The following PMFBP1 variants were observed in gnomAD, a reference collection of about 807,000 sequenced individuals.
The protein encoded by PMFBP1 is polyamine-modulated factor 1-binding protein 1.
A neutral mutation model predicts 137.8 loss-of-function variants in PMFBP1; 131 were observed. The observed-to-expected ratio is 0.95, with a 90% confidence interval of 0.82 to 1.10. The LOEUF (loss-of-function observed/expected upper bound fraction) is 1.10, where lower values mean the gene tolerates loss of function less well. Among genes scored for constraint, PMFBP1 ranks in the 50% least tolerant of loss-of-function variants. The pLI is 0.00. For synonymous variants in PMFBP1, 490 were observed against 450.4 expected, an observed-to-expected ratio of 1.09 and a Z score of -1.11; for missense variants, 1,199 against 1,175.4, an observed-to-expected ratio of 1.02 and a Z score of -0.29.
At chr16:72,128,823 G>A (rs776128225) in intron 13 of PMFBP1, 29 bp from the exon 14 acceptor site, 16 of 1,613,472 alleles carry the variant, frequency 9.9e-6, no homozygotes, top group African/African-American at 5.3e-5. Flanking sequence ...ACAAAGCACA[G>A]CAAAGAGGTG....
Position 72,128,726 on chromosome 16 carries a change from A to T in PMFBP1, c.2019T>A (p.Ser673=), listed in dbSNP as rs761466685. The change falls in exon 14 of 21, where the codon TCT becomes TCA. Residue 673 remains serine (S), a synonymous_variant. Coordinates refer to ENST00000237353, the MANE Select transcript of PMFBP1 (RefSeq NM_031293.3). ...TGTTGAGAGAGGATTCCAGTTGTGT[A>T]GAACAACACTGTAGCTCTGCTCGGA... is the stretch of plus-strand genomic sequence containing the variant. The part of the protein sequence containing the change: ...ENLRAELQCC[S]TQLESSLNKY... The T allele has an allele frequency of 2.5e-6, 4 of 1,614,180 alleles. No individual in the cohort carries two copies. The highest frequency in any genetic ancestry group is 3.4e-6 in the Non-Finnish European group (4 of 1,180,036).
chr16:72,184,103 C>T, the PMFBP1 span, among the ~76,000 whole-genome samples: 11 of 152,292 alleles, frequency 7.2e-5, no homozygotes, highest in South Asian at 6.2e-4. Flanking sequence ...GCTCTTCTGA[C>T]GGCTCCTTCG....
At chr16:72,223,047 G>T in the PMFBP1 span, among the ~76,000 whole-genome samples, 1 of 152,136 alleles carries the variant, frequency 6.6e-6, no homozygotes, top group Admixed American at 6.5e-5. Flanking sequence ...CAGCCTCACT[G>T]GGTCATGAAT....
the PMFBP1 span, among the ~76,000 whole-genome samples, chr16:72,188,592 A>G: frequency 6.6e-6 from 1 of 152,226 alleles, no homozygotes; most frequent in Non-Finnish European, 1.5e-5. Context: ...GGAAACAGGT[A>G]TGAAGGATGG....
the PMFBP1 span, among the ~76,000 whole-genome samples, chr16:72,203,696 C>T: frequency 6.6e-6 from 1 of 152,110 alleles, no homozygotes; most frequent in Admixed American, 6.5e-5. Flanking sequence ...CAGCAGTTTC[C>T]TTGGTGCCCT....
chr16:72,210,947 A>T, the PMFBP1 span, among the ~76,000 whole-genome samples: 1 of 152,216 alleles, frequency 6.6e-6, no homozygotes, highest in Non-Finnish European at 1.5e-5. Context: ...ATATGCCAGA[A>T]GGGGCTAGAA....
the PMFBP1 span, among the ~76,000 whole-genome samples, chr16:72,196,379 T>A: frequency 6.6e-6 from 1 of 152,150 alleles, no homozygotes; most frequent in East Asian, 1.9e-4. Context: ...AACTGGCACT[T>A]CTCTGGCCAG....
At chr16:72,164,405 T>C in intron 3 of PMFBP1, 1 of 1,308,796 alleles carries the variant, frequency 7.6e-7, no homozygotes, top group Non-Finnish European at 1.0e-6. Context: ...ATTTTCATGG[T>C]TGACTTAGAA....
At chr16:72,119,794 A>G (rs1411179981) in intron 20 of PMFBP1, 57 bp downstream of exon 20, 7 of 1,590,982 alleles carry the variant, frequency 4.4e-6, no homozygotes, top group Non-Finnish European at 6.0e-6. Flanking sequence ...TGAATTCTCA[A>G]TCCAGTGATT....
At chr16:72,225,750 T>TAATAAA in the PMFBP1 span, among the ~76,000 whole-genome samples, 1 of 146,718 alleles carries the variant, frequency 6.8e-6, no homozygotes, top group East Asian at 2.0e-4. Context: ...ATAATAATAA[T>TAATAAA]AAAGCCTCAC....
In PMFBP1 at chr16:72,132,745, C is replaced by G. The variant is rs1399935394; in HGVS notation, c.1447+3G>C. On this transcript the variant is annotated splice_donor_region_variant and intron_variant, in intron 10 of 20. Coordinates refer to ENST00000237353, the MANE Select transcript of PMFBP1 (RefSeq NM_031293.3). ...GGTGGGACAGCACCTGCAGGGGCCT[C>G]ACCAGCCAGCCTCTCCTGCTGCTTG... 1 of 1,614,048 alleles carries G rather than the reference C, an allele frequency of 6.2e-7. No homozygotes were observed. Among genetic ancestry groups the G allele is most frequent in the South Asian group, 1.1e-5 (1 of 91,074 alleles).
At chr16:72,149,192 T>C (rs968495589) in intron 5 of PMFBP1, among the ~76,000 whole-genome samples, 2 of 152,196 alleles carry the variant, frequency 1.3e-5, no homozygotes, top group East Asian at 3.8e-4. Context: ...GTAATGAAAA[T>C]TGTAACCAGT....
chr16:72,130,282 C>T lies in PMFBP1; in HGVS notation c.1713G>A (p.Arg571=), dbSNP rs1385722526. 6.2e-7 allele frequency: 1 copy of T among 1,614,064 alleles called. No homozygotes were observed. The highest frequency in any genetic ancestry group is 1.3e-5 in the African/African-American group (1 of 74,918). Residue 571 remains arginine (R), a synonymous_variant, in exon 12 of 21, where the codon AGG becomes AGA. Coordinates refer to ENST00000237353, the MANE Select transcript of PMFBP1 (RefSeq NM_031293.3). ...RKLENSDKEK[R]QLQKTVAEQD... ...GCTCAGCCACTGTCTTCTGAAGCTG[C>T]CTCTTTTCCTTGTCTGAATTTTCAA...
the PMFBP1 span, among the ~76,000 whole-genome samples, chr16:72,216,798 G>A: frequency 1.3e-5 from 2 of 152,186 alleles, 1 homozygote; most frequent in African/African-American, 4.8e-5. Flanking sequence ...TGTTAAGAGT[G>A]GCTTCAGTGT....
upstream of PMFBP1, among the ~76,000 whole-genome samples, chr16:72,176,052 G>A (rs755493180): frequency 2.0e-5 from 3 of 152,138 alleles, no homozygotes; most frequent in Non-Finnish European, 2.9e-5. Flanking sequence ...AGGGGGAGAT[G>A]GTATGAGGAG....
chr16:72,235,871 G>C, the PMFBP1 span, among the ~76,000 whole-genome samples: 2 of 152,040 alleles, frequency 1.3e-5, no homozygotes, highest in Admixed American at 6.6e-5. Context: ...TTGTTCACTA[G>C]TTGTAAGAGT....
At chr16:72,131,960 C>T (rs1389109805) in intron 10 of PMFBP1, among the ~76,000 whole-genome samples, 2 of 152,160 alleles carry the variant, frequency 1.3e-5, no homozygotes, top group Admixed American at 1.3e-4. Flanking sequence ...ATCCTCCCAC[C>T]TCAGCCTCCC....
chr16:72,216,567 T>C, the PMFBP1 span, among the ~76,000 whole-genome samples: 4 of 152,132 alleles, frequency 2.6e-5, no homozygotes, highest in African/African-American at 9.7e-5. Context: ...AGCAGACTAT[T>C]AGTAATGTGT....
chr16:72,230,251 A>G, the PMFBP1 span, among the ~76,000 whole-genome samples: 4 of 152,122 alleles, frequency 2.6e-5, no homozygotes, highest in Non-Finnish European at 5.9e-5. Flanking sequence ...ATAAGATCCC[A>G]TAGTGTTCAT....
Sources: allele counts gnomAD v4.1 joint callset (sites outside exome capture counted in the v4.1 genomes callset), GRCh38; gene constraint gnomAD v4.1.1; transcripts MANE v1.5; gene names NCBI Gene and HGNC (gene_info 2026-07-23, HGNC 2026-07-21).